Variants in PSD3 observed in about 807,000 individuals in gnomAD.
The protein encoded by PSD3 is PH and SEC7 domain-containing protein 3.
Under a neutral mutation model 105.5 loss-of-function variants are expected in PSD3, and 49 were observed. That is an observed-to-expected ratio of 0.46 (90% CI 0.37 to 0.59). PSD3 has a LOEUF of 0.59. Ranked by LOEUF, PSD3 falls within the 20% of genes least tolerant of loss-of-function variation. The pLI, the probability that PSD3 is intolerant of heterozygous loss-of-function variation, is 0.00. For missense variants in PSD3, 1,561 were observed against 1,263.8 expected (o/e 1.24, Z -3.57); for synonymous variants, 557 against 457.8 (o/e 1.22, Z -2.77).
chr8:18,719,914 G>A (rs1802842104), intron 9 of PSD3, among the ~76,000 whole-genome samples: 1 of 152,036 alleles, frequency 6.6e-6, no homozygotes, highest in Admixed American at 6.6e-5. Flanking sequence ...TAAACACGAA[G>A]GATTAAAGAA....
intron 1 of PSD3, among the ~76,000 whole-genome samples, chr8:19,020,708 G>T (rs866869916): frequency 2.6e-5 from 4 of 152,148 alleles, no homozygotes; most frequent in Middle Eastern, 6.8e-3. Flanking sequence ...AAAGAAGGAG[G>T]TAAGAAATGT....
rs373498252 is a variant in PSD3 at position 18,744,426 on chromosome 8, G to A, written c.2172+21023C>T. Among the ~76,000 whole-genome samples, 69 of 152,236 alleles carry A rather than the reference G, an allele frequency of 4.5e-4. 1 individual carries two copies. Among genetic ancestry groups the A allele is most frequent in the South Asian group, 1.0e-3 (5 of 4,822 alleles). ...TCCATACCACTACTCATAACTCTAC[G>A]TGGTCTTTTTAACAACTGTATTAAT... On this transcript the variant is annotated intron_variant, in intron 9 of 15. Transcript: ENST00000327040.
intron 9 of PSD3, among the ~76,000 whole-genome samples, chr8:18,741,715 C>G (rs1804587263): frequency 6.7e-6 from 1 of 149,984 alleles, no homozygotes; most frequent in Admixed American, 6.7e-5. Flanking sequence ...TTTTGGGATG[C>G]CCTCTCCCAC....
At chr8:19,074,411 C>T (rs186725287) in intron 1 of PSD3, among the ~76,000 whole-genome samples, 2 of 152,010 alleles carry the variant, frequency 1.3e-5, no homozygotes, top group Admixed American at 1.3e-4. Flanking sequence ...CAATCTAGGT[C>T]CAGATTTTCT....
intron 15 of PSD3, among the ~76,000 whole-genome samples, chr8:18,539,025 G>A (rs1056809022): frequency 6.6e-5 from 10 of 152,140 alleles, no homozygotes; most frequent in East Asian, 5.8e-4. Context: ...AAGGCTTATA[G>A]GGACACAGGT....
intron 15 of PSD3, 38 bp from the exon 16 acceptor site, chr8:18,535,996 CTG>C (rs1265677946): frequency 6.3e-7 from 1 of 1,585,100 alleles, no homozygotes. Flanking sequence ...AGTCAGAAAA[CTG>C]TTCAAAATGC....
chr8:18,718,290 C>T (rs1308019704), intron 9 of PSD3, among the ~76,000 whole-genome samples: 1 of 152,346 alleles, frequency 6.6e-6, no homozygotes, highest in East Asian at 1.9e-4. Flanking sequence ...CAATATTTAC[C>T]TATTTTCCCA....
chr8:18,625,197 C>G (rs1806391022), intron 11 of PSD3, among the ~76,000 whole-genome samples: 1 of 124,086 alleles, frequency 8.1e-6, no homozygotes, highest in Non-Finnish European at 1.9e-5. Context: ...TACACACACA[C>G]ACACACACAC....
chr8:18,581,382 G>A (rs538817556), intron 12 of PSD3, among the ~76,000 whole-genome samples: 3 of 151,782 alleles, frequency 2.0e-5, no homozygotes, highest in Non-Finnish European at 2.9e-5. Context: ...TGGGCTCAGG[G>A]GCACTGCAAG....
chr8:19,059,486 C>A (rs777722794), intron 1 of PSD3, among the ~76,000 whole-genome samples: 4 of 152,178 alleles, frequency 2.6e-5, no homozygotes, highest in Non-Finnish European at 4.4e-5. Flanking sequence ...AAGAAACTAG[C>A]CCCAGCAATC....
In PSD3 at chr8:18,555,781, C is replaced by A. The variant is rs549743863; in HGVS notation, c.2928+428G>T. Among the ~76,000 whole-genome samples the A allele has an allele frequency of 2.0e-5, 3 of 152,242 alleles. No individual in the cohort carries two copies. The East Asian group carries it at 5.8e-4, about 29-fold the overall frequency. On this transcript the variant is annotated intron_variant, in intron 15 of 15. Transcript: ENST00000327040. Reference sequence around the variant, plus strand: ...CAAGAAGAAAAACGCATAGTGTTGCCGAACAGCAAGAATGTGCAGGGAAAA... The same window carrying A: ...CAAGAAGAAAAACGCATAGTGTTGCAGAACAGCAAGAATGTGCAGGGAAAA...
intron 1 of PSD3, among the ~76,000 whole-genome samples, chr8:19,045,369 C>A (rs964854947): frequency 6.6e-6 from 1 of 152,036 alleles, no homozygotes; most frequent in African/African-American, 2.4e-5. Context: ...TGACAAGGGA[C>A]CTGTATATCC....
At chr8:18,611,225 A>C (rs1355447914) in intron 11 of PSD3, among the ~76,000 whole-genome samples, 1 of 148,926 alleles carries the variant, frequency 6.7e-6, no homozygotes, top group African/African-American at 2.5e-5. Flanking sequence ...ACTTTAAATG[A>C]GGGTGTAATT....
At chr8:18,782,678 A>G (rs555089034) in intron 8 of PSD3, among the ~76,000 whole-genome samples, 1 of 152,324 alleles carries the variant, frequency 6.6e-6, no homozygotes, top group Non-Finnish European at 1.5e-5. Context: ...CAGTGGCAAC[A>G]ATGGGCTGAG....
rs532576300 is a variant in PSD3 at position 18,994,762 on chromosome 8, C to T, written c.21+18801G>A. ...AATTTAAACTTACTTGTGAAATTCTCATCATATTTCTATTGAATAGCACCC... is the reference window on the plus strand; with the variant it reads ...AATTTAAACTTACTTGTGAAATTCTTATCATATTTCTATTGAATAGCACCC... On this transcript the variant is annotated intron_variant, in intron 1 of 15. Transcript: ENST00000327040. 3.8e-4 allele frequency among the ~76,000 whole-genome samples: 58 copies of T among 151,098 alleles called. 4 individuals are homozygous for T. In the South Asian group the frequency reaches 0.011, roughly 27 times the overall value.
chr8:19,082,473 G>A (rs1027816346), intron 1 of PSD3, among the ~76,000 whole-genome samples: 2 of 152,192 alleles, frequency 1.3e-5, no homozygotes, highest in Non-Finnish European at 2.9e-5. Context: ...GAGCTCTGGC[G>A]GGTTGCTCTC....
intron 4 of PSD3, among the ~76,000 whole-genome samples, chr8:18,813,829 A>G (rs1811935720): frequency 6.6e-6 from 1 of 152,206 alleles, no homozygotes; most frequent in African/African-American, 2.4e-5. Context: ...AGATGAGATG[A>G]GAAGATCCAT....
At chr8:18,790,769 C>T (rs1027118228) in intron 8 of PSD3, among the ~76,000 whole-genome samples, 6 of 152,164 alleles carry the variant, frequency 3.9e-5, no homozygotes, top group East Asian at 3.9e-4. Flanking sequence ...TTAGGACCAC[C>T]GAGAAGCTGC....
At chr8:18,599,712 G>A (rs921002902) in intron 12 of PSD3, among the ~76,000 whole-genome samples, 3 of 152,070 alleles carry the variant, frequency 2.0e-5, no homozygotes, top group Non-Finnish European at 4.4e-5. Context: ...CTTGTGGGGC[G>A]TGAAACCCGA....
Sources: allele counts gnomAD v4.1 joint callset (sites outside exome capture counted in the v4.1 genomes callset), GRCh38; gene constraint gnomAD v4.1.1; transcripts MANE v1.5; gene names NCBI Gene and HGNC (gene_info 2026-07-23, HGNC 2026-07-21).